KCNH8: variants seen among roughly 807,000 people sequenced by gnomAD.
KCNH8 encodes potassium voltage-gated channel subfamily H member 8, also known as voltage-gated delayed rectifier potassium channel KCNH8.
In KCNH8, 70 loss-of-function variants were observed where a neutral mutation model predicts 103.6. The observed-to-expected ratio is 0.68, with a 90% CI of 0.56 to 0.82. The LOEUF (loss-of-function observed/expected upper bound fraction) is 0.82, where lower values mean the gene tolerates loss of function less well. Among genes scored for constraint, KCNH8 ranks in the 40% least tolerant of loss-of-function variants. The pLI, the probability that KCNH8 is intolerant of heterozygous loss-of-function variation, is 0.00. For missense variants in KCNH8, 1,217 were observed against 1,329.9 expected, an observed-to-expected ratio of 0.92 and a Z score of 1.32; for synonymous variants, 498 against 489.4, an observed-to-expected ratio of 1.02 and a Z score of -0.23.
intron 11 of KCNH8, among the ~76,000 whole-genome samples, chr3:19,474,943 G>C (rs370016767): frequency 6.6e-6 from 1 of 152,122 alleles, no homozygotes; most frequent in South Asian, 2.1e-4. Context: ...CAACGAAATA[G>C]GATTCTATCA....
At chr3:19,463,725 C>T (rs896019850) in intron 11 of KCNH8, among the ~76,000 whole-genome samples, 1 of 151,954 alleles carries the variant, frequency 6.6e-6, no homozygotes, top group Admixed American at 6.6e-5. Flanking sequence ...AGCCTATGAC[C>T]TCTCAATTTC....
intron 11 of KCNH8, among the ~76,000 whole-genome samples, chr3:19,468,808 T>C (rs1198398861): frequency 2.0e-5 from 3 of 152,194 alleles, no homozygotes; most frequent in Non-Finnish European, 4.4e-5. Flanking sequence ...CATGATTCCT[T>C]CCTTAGATAA....
At chr3:19,321,644 G>A (rs1273503197) in intron 3 of KCNH8, among the ~76,000 whole-genome samples, 1 of 150,904 alleles carries the variant, frequency 6.6e-6, no homozygotes, top group African/African-American at 2.5e-5. Flanking sequence ...TGAGTAGAAT[G>A]TATATTATGC....
chr3:19,397,532 T>C (rs151135790), intron 7 of KCNH8, among the ~76,000 whole-genome samples: 3 of 147,088 alleles, frequency 2.0e-5, no homozygotes, highest in East Asian at 2.2e-4. Context: ...TGTGTATATA[T>C]ACACACATAT....
intron 4 of KCNH8, among the ~76,000 whole-genome samples, chr3:19,343,846 C>T (rs552035656): frequency 5.9e-5 from 9 of 152,154 alleles, no homozygotes; most frequent in Non-Finnish European, 1.3e-4. Context: ...CGAGATCTGA[C>T]ATGAAAGTGC....
At chr3:19,503,643 T>C (rs1159336420) in intron 11 of KCNH8, among the ~76,000 whole-genome samples, 4 of 151,988 alleles carry the variant, frequency 2.6e-5, no homozygotes, top group Non-Finnish European at 4.4e-5. Context: ...ATGGATTAAA[T>C]TGGAAATCAT....
At chr3:19,502,103 T>C (rs546105200) in intron 11 of KCNH8, among the ~76,000 whole-genome samples, 15 of 146,740 alleles carry the variant, frequency 1.0e-4, no homozygotes, top group Admixed American at 6.1e-4. Flanking sequence ...TGTACAAAAA[T>C]CACAAGCATT....
intron 11 of KCNH8, among the ~76,000 whole-genome samples, chr3:19,495,118 G>C (rs1575138390): frequency 6.6e-6 from 1 of 152,078 alleles, no homozygotes; most frequent in South Asian, 2.1e-4. Context: ...TGGATGCATA[G>C]TTTGCAAATA....
chr3:19,369,093 G>C (rs1442197), intron 5 of KCNH8, among the ~76,000 whole-genome samples: 6 of 151,288 alleles, frequency 4.0e-5, no homozygotes, highest in African/African-American at 1.5e-4. Flanking sequence ...AAATCACTTT[G>C]TTTTTTAAAG....
chr3:19,201,231 CA>C (rs1170312203), intron 1 of KCNH8, among the ~76,000 whole-genome samples: 46 of 22,044 alleles, frequency 2.1e-3, no homozygotes, highest in African/African-American at 7.5e-3. Flanking sequence ...GACTCTGCCT[CA>C]AAAAAAAAAA....
chr3:19,493,271 G>T (rs1469356116), intron 11 of KCNH8, among the ~76,000 whole-genome samples: 3 of 152,050 alleles, frequency 2.0e-5, no homozygotes, highest in Non-Finnish European at 2.9e-5. Flanking sequence ...ACAGGAACGG[G>T]GAGAGTGGGC....
intron 11 of KCNH8, among the ~76,000 whole-genome samples, chr3:19,459,115 G>T (rs548148882): frequency 6.6e-6 from 1 of 152,068 alleles, no homozygotes; most frequent in East Asian, 1.9e-4. Context: ...TATATACCCA[G>T]TATTAGGACT....
At chr3:19,476,845 G>T (rs981482530) in intron 11 of KCNH8, among the ~76,000 whole-genome samples, 1 of 152,058 alleles carries the variant, frequency 6.6e-6, no homozygotes, top group Non-Finnish European at 1.5e-5. Context: ...TAGGTATCAA[G>T]AAACTTCTTT....
intron 1 of KCNH8, among the ~76,000 whole-genome samples, chr3:19,222,390 A>G (rs928631130): frequency 6.6e-6 from 1 of 152,222 alleles, no homozygotes; most frequent in African/African-American, 2.4e-5. Flanking sequence ...TGAAAAATGA[A>G]TGTTTTGGAT....
At chr3:19,447,097 T>C (rs2067373870) in intron 8 of KCNH8, among the ~76,000 whole-genome samples, 1 of 152,070 alleles carries the variant, frequency 6.6e-6, no homozygotes, top group Non-Finnish European at 1.5e-5. Context: ...TAAGTGATAA[T>C]TTCCAAACTG....
chr3:19,198,856 C>T (rs1364526488), intron 1 of KCNH8, among the ~76,000 whole-genome samples: 1 of 151,858 alleles, frequency 6.6e-6, no homozygotes, highest in Non-Finnish European at 1.5e-5. Flanking sequence ...TCACTAAGAA[C>T]AGGATTTGCA....
chr3:19,479,132 T>C (rs944838615), intron 11 of KCNH8, among the ~76,000 whole-genome samples: 6 of 152,138 alleles, frequency 3.9e-5, no homozygotes, highest in African/African-American at 1.4e-4. Flanking sequence ...TTCCATCCCC[T>C]GGCGCACAGA....
In KCNH8 at chr3:19,420,747, T is replaced by A. The variant is rs374606087; in HGVS notation, c.1178-17417T>A. On this transcript the variant is annotated intron_variant, in intron 7 of 15. Transcript: ENST00000328405. The stretch of plus-strand genomic sequence containing the variant: ...ATGTTTCATACAAAAATGGGCATAG[T>A]AATACAAATATATCCTCCAAAATCC... 2.0e-5 allele frequency among the ~76,000 whole-genome samples: 3 copies of A among 152,194 alleles called. No homozygotes were observed. In the South Asian group the frequency reaches 6.2e-4, roughly 31 times the overall value.
chr3:19,173,936 T>A (rs2063373227), intron 1 of KCNH8, among the ~76,000 whole-genome samples: 1 of 151,206 alleles, frequency 6.6e-6, no homozygotes, highest in African/African-American at 2.4e-5. Context: ...ACAGGTGTCT[T>A]TATTGATTTT....
Sources: gnomAD v4.1 joint callset for allele counts (sites outside exome capture counted in the v4.1 genomes callset) on GRCh38, gnomAD v4.1.1 for gene constraint, MANE v1.5 for transcripts, NCBI Gene and HGNC (gene_info 2026-07-23, HGNC 2026-07-21) for gene names.